Variants in CEPT1 observed in about 807,000 individuals in gnomAD.
CEPT1 encodes choline/ethanolamine phosphotransferase 1.
Under a neutral mutation model 42.6 loss-of-function variants are expected in CEPT1, and 7 were observed. The observed-to-expected ratio is 0.16, with a 90% CI of 0.09 to 0.31. CEPT1 has a LOEUF of 0.31. CEPT1 is among the 10% of genes least tolerant of loss of function. The pLI is 1.00. For synonymous variants in CEPT1, 171 were observed against 171.9 expected, an observed-to-expected ratio of 0.99 and a Z score of 0.04; for missense variants, 306 against 502.1, an observed-to-expected ratio of 0.61 and a Z score of 3.73.
intron 1 of CEPT1, among the ~76,000 whole-genome samples, chr1:111,140,953 G>A (rs766730805): frequency 1.3e-5 from 2 of 152,210 alleles, no homozygotes; most frequent in African/African-American, 2.4e-5. Flanking sequence ...AACACTGCAT[G>A]AACGGGATCT....
chr1:111,159,744 T>C (rs1216887674), intron 3 of CEPT1: 1 of 383,632 alleles, frequency 2.6e-6, no homozygotes, highest in Non-Finnish European at 4.6e-6. Flanking sequence ...GCCCCAAATA[T>C]TGTTTTGGCA....
chr1:111,166,928 CTATG>C (rs1246426832), intron 4 of CEPT1, among the ~76,000 whole-genome samples: 1 of 152,054 alleles, frequency 6.6e-6, no homozygotes, highest in East Asian at 1.9e-4. Flanking sequence ...TGGATAAGAA[CTATG>C]TATGTATGTA....
Position 111,184,456 on chromosome 1 carries a change from A to T in CEPT1, c.*146A>T. On this transcript the variant is annotated 3_prime_UTR_variant, in exon 9 of 9. Transcript: ENST00000357172. ...TTCTTTATTATTGGTAACACGCCCT[A>T]ACTATCCTGTGTGAGAATGGGAATT... is the stretch of plus-strand genomic sequence containing the variant. 1.8e-6 allele frequency: 1 copy of T among 566,664 alleles called. No individual in the cohort carries two copies. The highest frequency in any genetic ancestry group is 2.9e-6 in the Non-Finnish European group (1 of 347,094). The allele number at this position is 566,664 out of a possible 1,614,324, so 35.1% of individuals were successfully genotyped here. A position where few individuals can be genotyped will look rare whatever the true frequency, so the allele number is the denominator to read the frequency against.
chr1:111,158,188 T>C (rs796652316), intron 2 of CEPT1, among the ~76,000 whole-genome samples: 1 of 150,372 alleles, frequency 6.7e-6, no homozygotes, highest in African/African-American at 2.5e-5. Flanking sequence ...CTAAAAAAAA[T>C]AAAATAAAAT....
intron 1 of CEPT1, among the ~76,000 whole-genome samples, chr1:111,141,135 T>C (rs573918767): frequency 6.6e-6 from 1 of 152,212 alleles, no homozygotes; most frequent in Non-Finnish European, 1.5e-5. Flanking sequence ...AATGTTAGTG[T>C]CTCGTCTTGT....
chr1:111,180,467 C>G (rs571026410), intron 5 of CEPT1: 41 of 152,278 alleles, frequency 2.7e-4, no homozygotes, highest in African/African-American at 9.4e-4. Flanking sequence ...TTCTTGAAAA[C>G]AAGTTTTGAA....
intron 4 of CEPT1, among the ~76,000 whole-genome samples, chr1:111,163,623 G>T (rs78687195): frequency 0.023 from 3,527 of 151,754 alleles, 138 homozygotes; most frequent in African/African-American, 0.08. Flanking sequence ...AAAAAGAAAT[G>T]CAGGCTAAGT....
At chr1:111,164,536 A>G (rs1393141526) in intron 4 of CEPT1, among the ~76,000 whole-genome samples, 6 of 152,126 alleles carry the variant, frequency 3.9e-5, no homozygotes, top group African/African-American at 1.2e-4. Flanking sequence ...TATACTGAAT[A>G]TCTCCCATTA....
chr1:111,139,781 G>A (rs897618073), upstream of CEPT1: 1 of 152,680 alleles, frequency 6.5e-6, no homozygotes, highest in African/African-American at 2.4e-5. Context: ...GGGGAGCTGA[G>A]CCCAGCTGCA....
chr1:111,140,757 G>A (rs1440576416), intron 1 of CEPT1: 1 of 152,370 alleles, frequency 6.6e-6, no homozygotes, highest in Admixed American at 6.5e-5. Flanking sequence ...CCTCTGCCGG[G>A]TTTGTCTCCC....
intron 4 of CEPT1, chr1:111,167,442 T>C (rs1401765676): frequency 1.1e-6 from 1 of 883,960 alleles, no homozygotes; most frequent in African/African-American, 1.8e-5. Context: ...GTTTGCCTAT[T>C]GTGCCTATTA....
intron 4 of CEPT1, chr1:111,173,034 T>G (rs767462211): frequency 1.3e-5 from 2 of 152,254 alleles, no homozygotes; most frequent in Non-Finnish European, 2.9e-5. Context: ...TATTCATCCA[T>G]GGTACAAAGA....
chr1:111,158,385 A>G (rs1655686091), intron 2 of CEPT1, among the ~76,000 whole-genome samples: 2 of 152,164 alleles, frequency 1.3e-5, no homozygotes, highest in Admixed American at 1.3e-4. Context: ...AATTAATTTA[A>G]TACCAGCAGT....
intron 1 of CEPT1, among the ~76,000 whole-genome samples, chr1:111,147,427 T>TA (rs976585302): frequency 6.6e-6 from 1 of 152,172 alleles, no homozygotes; most frequent in African/African-American, 2.4e-5. Flanking sequence ...ATACTACTAT[T>TA]AAAGTCTCTT....
intron 5 of CEPT1, chr1:111,178,993 T>C (rs1656838456): frequency 6.6e-6 from 1 of 152,240 alleles, no homozygotes; most frequent in Non-Finnish European, 1.5e-5. Flanking sequence ...ATTAAAATGA[T>C]TTACAAACAG....
intron 4 of CEPT1, 78 bp downstream of exon 4, chr1:111,161,374 G>T: frequency 7.5e-7 from 1 of 1,338,138 alleles, no homozygotes; most frequent in South Asian, 1.4e-5. Flanking sequence ...TTGAGTATTA[G>T]AAATTGATCA....
intron 4 of CEPT1, among the ~76,000 whole-genome samples, chr1:111,174,372 A>G (rs1656570542): frequency 6.6e-6 from 1 of 151,744 alleles, no homozygotes; most frequent in South Asian, 2.1e-4. Flanking sequence ...TTTTTTTTTC[A>G]CACCTATACA....
intron 5 of CEPT1, chr1:111,181,895 G>C: frequency 5.0e-6 from 1 of 199,630 alleles, no homozygotes; most frequent in Non-Finnish European, 1.0e-5. Flanking sequence ...AGACCACTGG[G>C]ATGCATTAGG....
intron 1 of CEPT1, among the ~76,000 whole-genome samples, chr1:111,140,824 T>G (rs899669679): frequency 3.3e-5 from 5 of 152,192 alleles, no homozygotes; most frequent in Non-Finnish European, 7.3e-5. Context: ...CAGCAACTTT[T>G]CTGGAAATTT....
Sources: gnomAD v4.1 joint callset for allele counts (sites outside exome capture counted in the v4.1 genomes callset) on GRCh38, gnomAD v4.1.1 for gene constraint, MANE v1.5 for transcripts, NCBI Gene and HGNC (gene_info 2026-07-23, HGNC 2026-07-21) for gene names.